Variants in TGFB2 observed in about 807,000 individuals in gnomAD.
The protein encoded by TGFB2 is transforming growth factor beta-2 proprotein.
Under a neutral mutation model 42.7 loss-of-function variants are expected in TGFB2, and 13 were observed. The ratio of observed to expected loss-of-function variants is 0.30; its 90% confidence interval spans 0.20 to 0.48. TGFB2 has a LOEUF of 0.48. Ranked by LOEUF, TGFB2 falls within the 20% of genes least tolerant of loss-of-function variation. The pLI, the probability that TGFB2 is intolerant of heterozygous loss-of-function variation, is 0.99. For synonymous variants in TGFB2, 193 were observed against 193.6 expected (o/e 1.00, Z 0.03); for missense variants, 390 against 517.5 (o/e 0.75, Z 2.39).
intron 1 of TGFB2, among the ~76,000 whole-genome samples, chr1:218,403,389 C>G (rs1246524180): frequency 6.6e-6 from 1 of 152,086 alleles, no homozygotes; most frequent in Non-Finnish European, 1.5e-5. Flanking sequence ...GGAGAAAGTT[C>G]CTATGAAGGA....
chr1:218,371,777 CAGA>C (rs1424551219), intron 1 of TGFB2, among the ~76,000 whole-genome samples: 2 of 152,174 alleles, frequency 1.3e-5, no homozygotes, highest in Non-Finnish European at 2.9e-5. Context: ...AGCTGTTTGC[CAGA>C]AGGAGCATGG....
At chr1:218,429,977 TC>T (rs1230143306) in intron 2 of TGFB2, among the ~76,000 whole-genome samples, 1 of 152,094 alleles carries the variant, frequency 6.6e-6, no homozygotes, top group African/African-American at 2.4e-5. Flanking sequence ...TCCCCAATGA[TC>T]CCCAGTGTGC....
At chr1:218,383,252 G>A (rs10482753) in intron 1 of TGFB2, among the ~76,000 whole-genome samples, 16 of 152,140 alleles carry the variant, frequency 1.1e-4, no homozygotes, top group African/African-American at 3.4e-4. Context: ...CTATGAGCTC[G>A]AATGGAGCCA....
chr1:218,388,236 A>G (rs1658200731), intron 1 of TGFB2, among the ~76,000 whole-genome samples: 1 of 152,170 alleles, frequency 6.6e-6, no homozygotes, highest in African/African-American at 2.4e-5. Flanking sequence ...GGAGTTTTTA[A>G]AACTCTGTCT....
chr1:218,379,258 G>A (rs1050958512), intron 1 of TGFB2, among the ~76,000 whole-genome samples: 22 of 151,344 alleles, frequency 1.5e-4, no homozygotes, highest in Middle Eastern at 3.4e-3. Context: ...TCAGCCTCCT[G>A]AGTAGCTGGG....
Position 218,346,708 on chromosome 1 carries a change from T to C in TGFB2, c.7T>C (p.Tyr3His). ...TTTTCCACTTTTTTAAAAAATGCAC[T>C]ACTGTGTGCTGAGCGCTTTTCTGAT... The part of the protein sequence containing the change: MH[Y>H]CVLSAFLILH... Residue 3 changes from tyrosine (Y) to histidine (H), a missense_variant, in exon 1 of 7, where the codon TAC (tyrosine) becomes CAC (histidine). Tyr to His is a moderately conservative substitution (Grantham distance 83). Coordinates refer to ENST00000366930, the MANE Select transcript of TGFB2 (RefSeq NM_003238.6). The surrounding 1 kb of genome is among the most constrained non-coding windows in gnomAD (Gnocchi z 4.9). 6.3e-7 allele frequency: 1 copy of C among 1,588,818 alleles called. No individual in the cohort carries two copies. Among genetic ancestry groups the C allele is most frequent in the East Asian group, 2.2e-5 (1 of 44,730 alleles).
At chr1:218,409,831 G>C (rs1659038732) in intron 2 of TGFB2, among the ~76,000 whole-genome samples, 1 of 152,220 alleles carries the variant, frequency 6.6e-6, no homozygotes, top group Admixed American at 6.5e-5. Flanking sequence ...GGGTGACTAT[G>C]AAAAGGTTCT....
intron 2 of TGFB2, among the ~76,000 whole-genome samples, chr1:218,416,230 C>T (rs1006440891): frequency 6.6e-6 from 1 of 152,090 alleles, no homozygotes; most frequent in Non-Finnish European, 1.5e-5. Context: ...CTACCTCTCC[C>T]TGCTCCACCA....
chr1:218,438,114 C>A (rs941963018), intron 6 of TGFB2, among the ~76,000 whole-genome samples: 2 of 152,158 alleles, frequency 1.3e-5, no homozygotes, highest in African/African-American at 4.8e-5. Context: ...ACCTATTAAT[C>A]AACTTCTCTT....
chr1:218,378,777 T>G (rs1159943862), intron 1 of TGFB2, among the ~76,000 whole-genome samples: 1 of 150,774 alleles, frequency 6.6e-6, no homozygotes, highest in East Asian at 1.9e-4. Flanking sequence ...CGGCCTGTTT[T>G]TTTTTTCTTA....
At chr1:218,398,681 G>A (rs1162211016) in intron 1 of TGFB2, among the ~76,000 whole-genome samples, 4 of 151,880 alleles carry the variant, frequency 2.6e-5, no homozygotes, top group African/African-American at 4.8e-5. Flanking sequence ...TCTGCCTCCC[G>A]GGTTCAAGCG....
chr1:218,415,694 C>G (rs918145093), intron 2 of TGFB2, among the ~76,000 whole-genome samples: 2 of 40,132 alleles, frequency 5.0e-5, no homozygotes, highest in South Asian at 8.8e-4. Context: ...GACTCTGTCT[C>G]AAAAGAAAAA....
At chr1:218,421,157 G>A (rs1032817824) in intron 2 of TGFB2, among the ~76,000 whole-genome samples, 1 of 152,140 alleles carries the variant, frequency 6.6e-6, no homozygotes, top group African/African-American at 2.4e-5. Context: ...AAAAGCCACT[G>A]TACCCAGTTC....
At chr1:218,423,834 T>C (rs1424365910) in intron 2 of TGFB2, among the ~76,000 whole-genome samples, 2 of 152,222 alleles carry the variant, frequency 1.3e-5, no homozygotes, top group Non-Finnish European at 2.9e-5. Context: ...CTCTCCCTAC[T>C]CCGTGACACT....
intron 2 of TGFB2, among the ~76,000 whole-genome samples, chr1:218,405,988 G>A (rs1365897969): frequency 6.6e-6 from 1 of 151,906 alleles, no homozygotes. Context: ...TTTCTTCCTG[G>A]GGAACAGTCA....
intron 2 of TGFB2, among the ~76,000 whole-genome samples, chr1:218,421,965 T>A (rs577569795): frequency 6.6e-6 from 1 of 152,240 alleles, no homozygotes; most frequent in East Asian, 1.9e-4. Context: ...GTCAGAGAGA[T>A]CATGGCCCAG....
chr1:218,437,257 T>A (rs1659999140), intron 5 of TGFB2, 86 bp from the exon 6 acceptor site: 2 of 1,296,356 alleles, frequency 1.5e-6, no homozygotes, highest in African/African-American at 1.5e-5. Flanking sequence ...TGAATCATTT[T>A]TCTGGTTTGG....
At chr1:218,349,269 A>G (rs1461535963) in intron 1 of TGFB2, among the ~76,000 whole-genome samples, 1 of 152,218 alleles carries the variant, frequency 6.6e-6, no homozygotes, top group Non-Finnish European at 1.5e-5. Flanking sequence ...GGACTGGATA[A>G]TTTTATAGAA....
Position 218,441,498 on chromosome 1 carries a change from G to C in TGFB2, c.*136G>C. The stretch of plus-strand genomic sequence containing the variant: ...GTGTTAAAAAATTTTTGAAAAGGCG[G>C]TACTAGTTCAGACACTTTGGAAGTT... On this transcript the variant is annotated 3_prime_UTR_variant, in exon 7 of 7. Transcript: ENST00000366930. 1.2e-6 allele frequency: 1 copy of C among 868,760 alleles called. No individual in the cohort carries two copies. The highest frequency in any genetic ancestry group is 1.7e-6 in the Non-Finnish European group (1 of 601,774). The allele number at this position is 868,760 out of a possible 1,614,324, so 53.8% of individuals were successfully genotyped here.
Sources: allele counts gnomAD v4.1 joint callset (sites outside exome capture counted in the v4.1 genomes callset), GRCh38; gene constraint gnomAD v4.1.1; non-coding constraint Gnocchi (gnomAD v3.1); transcripts MANE v1.5; gene names NCBI Gene and HGNC (gene_info 2026-07-23, HGNC 2026-07-21).